The following SAMD10 variants were observed in gnomAD, a reference collection of about 807,000 sequenced individuals.
SAMD10 encodes the protein sterile alpha motif domain-containing protein 10.
A neutral mutation model predicts 22.5 loss-of-function variants in SAMD10; 16 were observed. That is an observed-to-expected ratio of 0.71 (90% CI 0.48 to 1.08). The LOEUF (loss-of-function observed/expected upper bound fraction) is 1.08. Ranked by LOEUF, SAMD10 falls within the 50% of genes least tolerant of loss-of-function variation. The pLI is 0.00. For missense variants in SAMD10, 227 were observed against 281.3 expected (o/e 0.81, Z 1.38); for synonymous variants, 118 against 122.2 (o/e 0.97, Z 0.23).
chr20:63,975,424 G>T lies in SAMD10; in HGVS notation c.*86C>A. ...CGCCCCGGCATCCCGCAGGGTCCAA[G>T]AGGCGCTGCGGGGCCAGCTTGGCCT... On this transcript the variant is annotated 3_prime_UTR_variant, in exon 5 of 5. Coordinates refer to ENST00000369886, the MANE Select transcript of SAMD10 (RefSeq NM_080621.5). The T allele has an allele frequency of 6.4e-7, 1 of 1,557,956 alleles. No homozygotes were observed. Among genetic ancestry groups the T allele is most frequent in the Non-Finnish European group, 8.8e-7 (1 of 1,133,078 alleles).
chr20:63,978,453 G>C (rs900415643), intron 1 of SAMD10: 4 of 429,966 alleles, frequency 9.3e-6, no homozygotes, highest in East Asian at 1.4e-4. Context: ...AGGTTCCCAC[G>C]CTAGGGCCCT....
intron 1 of SAMD10, among the ~76,000 whole-genome samples, chr20:63,978,977 G>C (rs1489280657): frequency 6.6e-6 from 1 of 152,182 alleles, no homozygotes; most frequent in East Asian, 1.9e-4. Flanking sequence ...CTGTCGGTCC[G>C]GTCCCTCCCG....
At chr20:63,978,191 T>C in intron 1 of SAMD10, 1 of 625,970 alleles carries the variant, frequency 1.6e-6, no homozygotes, top group Non-Finnish European at 2.7e-6. Context: ...CCACAGTAAC[T>C]GCATTAAAGT....
chr20:63,976,840 A>AG (rs2059026620), intron 3 of SAMD10, 131 bp downstream of exon 3: 1 of 604,944 alleles, frequency 1.7e-6, no homozygotes, highest in Admixed American at 2.7e-5. Flanking sequence ...TGAAGAACAG[A>AG]GGGGAGGTTG....
Position 63,974,152 on chromosome 20 carries a change from T to C in SAMD10, c.*1358A>G, listed in dbSNP as rs2059005295. 1 of 152,078 alleles carries C rather than the reference T, an allele frequency of 6.6e-6. No individual in the cohort carries two copies. Among genetic ancestry groups the C allele is most frequent in the Admixed American group, 6.6e-5 (1 of 15,266 alleles). The allele number at this position is 152,078 out of a possible 1,614,324, so 9.4% of individuals were successfully genotyped here. On this transcript the variant is annotated 3_prime_UTR_variant, in exon 5 of 5. Coordinates refer to ENST00000369886, the MANE Select transcript of SAMD10 (RefSeq NM_080621.5). ...AGCTTTATTTCTGATTTTTTTTTTT[T>C]GTCAGAGTATAAAAAAGTGAGTGCA...
At position 63,979,538 on chromosome 20, in the gene SAMD10, G is replaced by A; in HGVS notation, c.-71C>T. 9.6e-7 allele frequency: 1 copy of A among 1,036,848 alleles called. No individual in the cohort carries two copies. Among genetic ancestry groups the A allele is most frequent in the Non-Finnish European group, 1.2e-6 (1 of 864,314 alleles). 64.2% of individuals were successfully genotyped at this position (1,036,848 alleles called of 1,614,324 possible). ...CAGGGCGGCCGGTGTGGCCGGCGGGGAACGCGCGCCGCCGCCCCGCCCCGC... is the reference window on the plus strand; with the variant it reads ...CAGGGCGGCCGGTGTGGCCGGCGGGAAACGCGCGCCGCCGCCCCGCCCCGC... On this transcript the variant is annotated 5_prime_UTR_variant, in exon 1 of 5. Coordinates refer to ENST00000369886, the MANE Select transcript of SAMD10 (RefSeq NM_080621.5). This position sits in a 1 kb window ranked among gnomAD's most constrained non-coding sequence, Gnocchi z 7.7.
chr20:63,979,653 C>T, upstream of SAMD10: 1 of 985,154 alleles, frequency 1.0e-6, no homozygotes, highest in African/African-American at 1.7e-5. The surrounding 1 kb of genome is among the most constrained non-coding windows in gnomAD (Gnocchi z 7.7). Flanking sequence ...GCCGGGCGCG[C>T]TCCGGGAGCT....
At chr20:63,978,522 A>C (rs1345583459) in intron 1 of SAMD10, among the ~76,000 whole-genome samples, 1 of 152,022 alleles carries the variant, frequency 6.6e-6, no homozygotes, top group African/African-American at 2.4e-5. Context: ...CACCCACTCC[A>C]CACCCAGGGC....
chr20:63,979,388 C>G lies in SAMD10; in HGVS notation c.80G>C (p.Arg27Pro), dbSNP rs781093787. 4.8e-4 allele frequency: 722 copies of G among 1,489,232 alleles called. 1 individual carries two copies. The highest frequency in any genetic ancestry group is 6.1e-4 in the Non-Finnish European group (688 of 1,125,758). The allele number at this position is 1,489,232 out of a possible 1,614,324, so 92.3% of individuals were successfully genotyped here. A position where few individuals can be genotyped will look rare whatever the true frequency, so the allele number is the denominator to read the frequency against. ...CCAGCCCCGCTCACCGTCCACATCC[C>G]GGCGCTCCCCGAAGCCCGCGCGCAC... ...GAVRAGFGER[R>P]DVDATAHFSF... The change falls in exon 1 of 5, where the codon CGG (arginine) becomes CCG (proline). Residue 27 changes from arginine (R) to proline (P), a missense_variant. Coordinates refer to ENST00000369886, the MANE Select transcript of SAMD10 (RefSeq NM_080621.5). The surrounding 1 kb of genome is among the most constrained non-coding windows in gnomAD (Gnocchi z 7.7).
intron 1 of SAMD10, chr20:63,978,416 G>A: frequency 1.4e-6 from 1 of 701,906 alleles, no homozygotes; most frequent in Non-Finnish European, 2.2e-6. Flanking sequence ...CAGCACCCTA[G>A]CACCCAGGCC....
intron 3 of SAMD10, 71 bp downstream of exon 3, chr20:63,976,900 G>C (rs1306068855): frequency 1.3e-6 from 2 of 1,486,746 alleles, no homozygotes; most frequent in Non-Finnish European, 1.9e-6. Flanking sequence ...AGAAAGGCAG[G>C]CTGAGTGTGG....
intron 3 of SAMD10, among the ~76,000 whole-genome samples, chr20:63,976,764 C>CAAAAAAAAAAAAAAA (rs60461303): frequency 9.4e-5 from 6 of 63,930 alleles, no homozygotes; most frequent in African/African-American, 4.0e-4. Context: ...TCTGTCTCAC[C>CAAAAAAAAAAAAAAA]AAAAAAAAAA....
intron 1 of SAMD10, chr20:63,978,112 G>C (rs2059037953): frequency 2.6e-6 from 1 of 378,460 alleles, no homozygotes; most frequent in Admixed American, 3.2e-5. Context: ...GATATGGGCG[G>C]GTCAGCACAG....
At chr20:63,979,827 G>A, upstream of SAMD10, 1 of 334,732 alleles carries the variant, frequency 3.0e-6, no homozygotes, top group Non-Finnish European at 4.3e-6. The surrounding 1 kb of genome is among the most constrained non-coding windows in gnomAD (Gnocchi z 7.7). Flanking sequence ...TGGGCTGAGG[G>A]GCATCTCACA....
chr20:63,979,802 C>T (rs1005282416), upstream of SAMD10: 1 of 569,722 alleles, frequency 1.8e-6, no homozygotes, highest in African/African-American at 2.0e-5. This position sits in a 1 kb window ranked among gnomAD's most constrained non-coding sequence, Gnocchi z 7.7. Context: ...GGTCGGGCCC[C>T]TCTGTGCGTG....
intron 4 of SAMD10, 62 bp downstream of exon 4, chr20:63,975,630 C>T: frequency 1.3e-6 from 2 of 1,574,270 alleles, no homozygotes; most frequent in East Asian, 2.3e-5. Context: ...GAGGTCATCC[C>T]ACCCCACACT....
chr20:63,974,717 G>GAC lies in SAMD10; in HGVS notation c.*792_*793insGT, dbSNP rs200172652. On this transcript the variant is annotated 3_prime_UTR_variant, in exon 5 of 5. Coordinates refer to ENST00000369886, the MANE Select transcript of SAMD10 (RefSeq NM_080621.5). The stretch of plus-strand genomic sequence containing the variant: ...ACAAGGCCCTTGTTCTTGAGGGCGA[G>GAC]GGGGGAAGACCATAAAAGCAAGATT... 1.3e-5 allele frequency: 2 copies of GAC among 150,920 alleles called. No homozygotes were observed. The highest frequency in any genetic ancestry group is 1.5e-5 in the Non-Finnish European group (1 of 67,716). 9.3% of individuals were successfully genotyped at this position (150,920 alleles called of 1,614,324 possible).
At chr20:63,978,708 G>A (rs1039271333) in intron 1 of SAMD10, among the ~76,000 whole-genome samples, 1 of 152,250 alleles carries the variant, frequency 6.6e-6, no homozygotes, top group African/African-American at 2.4e-5. Flanking sequence ...TCAGCAGAGG[G>A]TGTGCTCAGT....
In SAMD10 at chr20:63,977,486, C is replaced by T; in HGVS notation, c.92-80G>A. On this transcript the variant is annotated intron_variant, in intron 1 of 4. Transcript: ENST00000369886. This position sits in a 1 kb window ranked among gnomAD's most constrained non-coding sequence, Gnocchi z 5.4. The stretch of plus-strand genomic sequence containing the variant: ...CTACTTGAGAGCTAGCTCCCTGCCC[C>T]ATCTCCTCCACACTAGTGCGGGAAA... 7.1e-7 allele frequency: 1 copy of T among 1,412,630 alleles called. No individual in the cohort carries two copies. The allele number at this position is 1,412,630 out of a possible 1,614,324, so 87.5% of individuals were successfully genotyped here.
Sources: allele counts gnomAD v4.1 joint callset (sites outside exome capture counted in the v4.1 genomes callset), GRCh38; gene constraint gnomAD v4.1.1; non-coding constraint Gnocchi (gnomAD v3.1); transcripts MANE v1.5; gene names NCBI Gene and HGNC (gene_info 2026-07-23, HGNC 2026-07-21).